DHX37: variants seen among roughly 807,000 people sequenced by gnomAD.
DHX37 encodes probable ATP-dependent RNA helicase DHX37.
In DHX37, 52 loss-of-function variants were observed where a neutral mutation model predicts 134.3. The observed-to-expected ratio is 0.39, with a 90% confidence interval of 0.31 to 0.49. The LOEUF is 0.49. DHX37 is among the 20% of genes least tolerant of loss of function. The pLI is 0.93. For missense variants in DHX37, 1,344 were observed against 1,580.8 expected, an observed-to-expected ratio of 0.85 and a Z score of 2.54; for synonymous variants, 634 against 670.7, an observed-to-expected ratio of 0.95 and a Z score of 0.85.
chr12:124,968,528 C>T lies in DHX37; in HGVS notation c.1408+6G>A, dbSNP rs1566340508. On this transcript the variant is annotated splice_donor_region_variant and intron_variant, in intron 10 of 26. Transcript: ENST00000308736. ...CTTCTTTCCCCTGACCTGGCCAGGGCCTCACCTGCGGGCAGCATCCGGTGG... is the reference window on the plus strand; with the variant it reads ...CTTCTTTCCCCTGACCTGGCCAGGGTCTCACCTGCGGGCAGCATCCGGTGG... 1 of 1,612,308 alleles carries T rather than the reference C, an allele frequency of 6.2e-7. No individual in the cohort carries two copies. The highest frequency in any genetic ancestry group is 8.5e-7 in the Non-Finnish European group (1 of 1,179,996).
intron 15 of DHX37, among the ~76,000 whole-genome samples, chr12:124,961,254 ACGCACACACATACACGCGTGCACG>A (rs1369903843): frequency 9.2e-5 from 12 of 129,852 alleles, no homozygotes; most frequent in East Asian, 2.6e-4. Context: ...GCGTGCACGC[ACGCACACACATACACGCGTGCACG>A]CACACACACT....
chr12:124,976,559 G>A (rs1037419245), intron 5 of DHX37, among the ~76,000 whole-genome samples: 7 of 152,222 alleles, frequency 4.6e-5, no homozygotes, highest in Admixed American at 3.3e-4. Flanking sequence ...GCCGGGTGCA[G>A]TGGCTCATGC....
chr12:124,957,810 A>G (rs569870875), intron 16 of DHX37, among the ~76,000 whole-genome samples: 1 of 152,280 alleles, frequency 6.6e-6, no homozygotes, highest in South Asian at 2.1e-4. Context: ...TAACGTGAAT[A>G]AATTTATCAC....
rs778474183 is a variant in DHX37, at chr12:124,964,676, A to G, written c.1813-50T>C. 10 of 1,600,340 alleles carry G rather than the reference A, an allele frequency of 6.2e-6. No homozygotes were observed. The East Asian group carries it at 2.2e-4, about 36-fold the overall frequency. ...GGAAAACACCAGAATCAGAAAAGAA[A>G]TCGTGGAATGGAGGCTCAAGGACAA... On this transcript the variant is annotated intron_variant, in intron 14 of 26. Transcript: ENST00000308736.
At chr12:124,972,439 A>G (rs1268180973) in intron 7 of DHX37, 64 bp downstream of exon 7, 1 of 1,555,046 alleles carries the variant, frequency 6.4e-7, no homozygotes, top group African/African-American at 1.4e-5. Flanking sequence ...ATCCCAGGTG[A>G]CATCCTAGCA....
At position 124,989,079 on chromosome 12, in the gene DHX37, C is replaced by T. The variant is rs934168070; in HGVS notation, c.-57G>A. The T allele has an allele frequency of 8.2e-7, 1 of 1,212,510 alleles. No homozygotes were observed. The highest frequency in any genetic ancestry group is 1.1e-6 in the Non-Finnish European group (1 of 950,054). The allele number at this position is 1,212,510 out of a possible 1,614,324, so 75.1% of individuals were successfully genotyped here. ...CCGGACCAGCAGAGCAATCCGAAAC[C>T]CAGCCCACGTGGGTTCCCAGACCAC... On this transcript the variant is annotated 5_prime_UTR_variant, in exon 1 of 27. Coordinates refer to ENST00000308736, the MANE Select transcript of DHX37 (RefSeq NM_032656.4).
chr12:124,977,288 G>A, intron 5 of DHX37, 54 bp downstream of exon 5: 1 of 1,465,110 alleles, frequency 6.8e-7, no homozygotes, highest in Non-Finnish European at 9.0e-7. Context: ...GACCTTTCAG[G>A]GCATCTCCAG....
At position 124,965,588 on chromosome 12, in the gene DHX37, C is replaced by G. The variant is rs7963864; in HGVS notation, c.1735+80G>C. On this transcript the variant is annotated intron_variant, in intron 13 of 26. Coordinates refer to ENST00000308736, the MANE Select transcript of DHX37 (RefSeq NM_032656.4). ...ACAAAGCTGCTAGAACCCCGGCCCC[C>G]GGGGGGCCCACAAGGGCTCTGGGCA... 7.5e-6 allele frequency: 11 copies of G among 1,465,978 alleles called. No homozygotes were observed. The East Asian group carries it at 1.5e-4, about 20-fold the overall frequency. The allele number at this position is 1,465,978 out of a possible 1,614,324, so 90.8% of individuals were successfully genotyped here.
rs1954724211 is a variant in DHX37 at position 124,980,058 on chromosome 12, G to A, written c.738+432C>T. The stretch of plus-strand genomic sequence containing the variant: ...ACTCATTGTACCAGGAAGGAAACAG[G>A]CACAGAGAGGGGGAGCCCCTTCAGT... On this transcript the variant is annotated intron_variant, in intron 4 of 26. Coordinates refer to ENST00000308736, the MANE Select transcript of DHX37 (RefSeq NM_032656.4). This position sits in a 1 kb window ranked among gnomAD's most constrained non-coding sequence, Gnocchi z 5.3. 6.6e-6 allele frequency among the ~76,000 whole-genome samples: 1 copy of A among 152,224 alleles called. No individual in the cohort carries two copies.
At chr12:124,976,578 C>T (rs889956258) in intron 5 of DHX37, among the ~76,000 whole-genome samples, 1 of 152,128 alleles carries the variant, frequency 6.6e-6, no homozygotes, top group African/African-American at 2.4e-5. Flanking sequence ...GCCTGTAATC[C>T]CAGCACTTTG....
chr12:124,968,890 C>T lies in DHX37; in HGVS notation c.1270G>A (p.Ala424Thr), dbSNP rs114271603. The T allele has an allele frequency of 1.8e-4, 297 of 1,614,016 alleles. No individual in the cohort carries two copies. The African/African-American group carries it at 3.3e-3, about 18-fold the overall frequency. The change falls in exon 9 of 27, where the codon GCC becomes ACC. Residue 424 changes from alanine (A) to threonine (T), a missense_variant. Coordinates refer to ENST00000308736, the MANE Select transcript of DHX37 (RefSeq NM_032656.4). ...EDFTQNPRLF[A>T]KPPPVIKVES... ...ACCTTGATGACCGGCGGCGGCTTGG[C>T]GAAGAGCCGTGGGTTCTGGGTGAAG...
chr12:124,986,349 G>T, intron 1 of DHX37, 84 bp from the exon 2 acceptor site: 2 of 1,482,900 alleles, frequency 1.3e-6, no homozygotes, highest in Non-Finnish European at 1.8e-6. Flanking sequence ...CTTGCATGGG[G>T]GCCTCCTGAG....
At chr12:124,981,279 C>T (rs1346861658) in intron 3 of DHX37, among the ~76,000 whole-genome samples, 5 of 151,718 alleles carry the variant, frequency 3.3e-5, no homozygotes. Flanking sequence ...CAGTCACTAA[C>T]TGACAGTGCT....
At chr12:124,954,341 T>C in intron 18 of DHX37, 130 bp from the exon 19 acceptor site, 1 of 1,366,154 alleles carries the variant, frequency 7.3e-7, no homozygotes, top group Non-Finnish European at 9.7e-7. Context: ...GTAATTAAGG[T>C]ATTAAGGTCC....
chr12:124,974,313 C>T (rs7310934), intron 6 of DHX37, among the ~76,000 whole-genome samples: 100,299 of 151,568 alleles, frequency 0.66, 33,661 homozygotes, highest in East Asian at 0.78. Context: ...GGCAGCTTTT[C>T]CTAGACGCAT....
intron 16 of DHX37, among the ~76,000 whole-genome samples, chr12:124,959,415 G>T (rs1339451008): frequency 4.6e-5 from 7 of 151,888 alleles, no homozygotes; most frequent in Non-Finnish European, 8.8e-5. Flanking sequence ...TAGAGACGGG[G>T]TTTTGCCATG....
At chr12:124,988,562 C>T (rs566223720) in intron 1 of DHX37, among the ~76,000 whole-genome samples, 5 of 152,118 alleles carry the variant, frequency 3.3e-5, no homozygotes, top group South Asian at 4.2e-4. Context: ...GTCAGCCAGC[C>T]TGGAGCTGAG....
At chr12:124,953,073 C>T (rs7296250) in intron 20 of DHX37, 79,993 of 152,292 alleles carry the variant, frequency 0.53, 22,176 homozygotes, top group East Asian at 0.79. Context: ...AGCAGAGAAA[C>T]GCCCTGGGCT....
chr12:124,973,948 A>T (rs1472996370), intron 6 of DHX37, among the ~76,000 whole-genome samples: 17 of 134,400 alleles, frequency 1.3e-4, no homozygotes, highest in Admixed American at 1.5e-4. Flanking sequence ...CAGTCCCCAA[A>T]TTTTTTTTTT....
Sources: gnomAD v4.1 joint callset for allele counts (sites outside exome capture counted in the v4.1 genomes callset) on GRCh38, gnomAD v4.1.1 for gene constraint, Gnocchi (gnomAD v3.1) non-coding constraint, MANE v1.5 for transcripts, NCBI Gene and HGNC (gene_info 2026-07-23, HGNC 2026-07-21) for gene names.